MMP16: variants seen among roughly 807,000 people sequenced by gnomAD.
MMP16 encodes matrix metallopeptidase 16, also known as matrix metalloproteinase-16.
MMP16 carries 12 observed loss-of-function variants against 67.8 expected under a neutral mutation model. That is an observed-to-expected ratio of 0.18 (90% CI 0.11 to 0.29). The LOEUF (loss-of-function observed/expected upper bound fraction) is 0.29. Among genes scored for constraint, MMP16 ranks in the 10% least tolerant of loss-of-function variants. The probability of loss-of-function intolerance (pLI) is 1.00; values close to 1 mark genes in which losing one functional copy is unlikely to be tolerated. For synonymous variants in MMP16, 249 were observed against 255.9 expected (o/e 0.97, Z 0.26); for missense variants, 475 against 765.7 (o/e 0.62, Z 4.48).
At chr8:88,147,849 T>A (rs1005591274) in intron 4 of MMP16, among the ~76,000 whole-genome samples, 1 of 152,100 alleles carries the variant, frequency 6.6e-6, no homozygotes, top group African/African-American at 2.4e-5. Context: ...GCTTCCTCTA[T>A]ATGTGGATTC....
intron 2 of MMP16, among the ~76,000 whole-genome samples, chr8:88,195,264 T>G (rs544489483): frequency 6.6e-6 from 1 of 152,290 alleles, no homozygotes; most frequent in East Asian, 1.9e-4. Flanking sequence ...CTTGCGGAAA[T>G]GTACCTTTTC....
At chr8:88,270,362 GAGAATA>G (rs1810546030) in intron 1 of MMP16, among the ~76,000 whole-genome samples, 1 of 152,128 alleles carries the variant, frequency 6.6e-6, no homozygotes, top group South Asian at 2.1e-4. Flanking sequence ...AAACAGAAAG[GAGAATA>G]AGTAACTGGT....
At chr8:88,222,715 A>C (rs1250672628) in intron 1 of MMP16, among the ~76,000 whole-genome samples, 1 of 152,202 alleles carries the variant, frequency 6.6e-6, no homozygotes, top group African/African-American at 2.4e-5. Flanking sequence ...TAAAGACTTA[A>C]ATGTTACAGC....
intron 1 of MMP16, among the ~76,000 whole-genome samples, chr8:88,326,547 A>G (rs925023565): frequency 1.3e-5 from 2 of 151,434 alleles, no homozygotes; most frequent in East Asian, 3.9e-4. Flanking sequence ...TTATGTCTAA[A>G]TGAAAAAAAA....
intron 7 of MMP16, among the ~76,000 whole-genome samples, chr8:88,062,576 T>A (rs987699556): frequency 1.3e-5 from 2 of 151,840 alleles, no homozygotes; most frequent in Non-Finnish European, 2.9e-5. Context: ...CAAACACTGC[T>A]TGTTCTCACT....
chr8:88,226,090 T>C (rs1809764511), intron 1 of MMP16, among the ~76,000 whole-genome samples: 2 of 151,828 alleles, frequency 1.3e-5, no homozygotes, highest in Admixed American at 6.6e-5. Flanking sequence ...AACTAACAAA[T>C]AGACTGTCGT....
At chr8:88,143,089 C>G (rs1808238298) in intron 4 of MMP16, among the ~76,000 whole-genome samples, 1 of 151,956 alleles carries the variant, frequency 6.6e-6, no homozygotes, top group African/African-American at 2.4e-5. Flanking sequence ...AAGAACAAGG[C>G]AGGCATCAGA....
chr8:88,211,474 T>A (rs1467952670), intron 1 of MMP16, among the ~76,000 whole-genome samples: 2 of 152,032 alleles, frequency 1.3e-5, no homozygotes, highest in Admixed American at 6.6e-5. Flanking sequence ...CACAAGCAGG[T>A]GTTGTGATAG....
intron 6 of MMP16, among the ~76,000 whole-genome samples, chr8:88,102,455 A>G (rs930069307): frequency 1.3e-5 from 2 of 151,820 alleles, no homozygotes; most frequent in Non-Finnish European, 2.9e-5. Flanking sequence ...CTCCCTGGGC[A>G]TGCCACCCTT....
At chr8:88,265,629 CAGCATAGT>C (rs777486160) in intron 1 of MMP16, among the ~76,000 whole-genome samples, 21 of 152,222 alleles carry the variant, frequency 1.4e-4, no homozygotes, top group Non-Finnish European at 2.8e-4. Context: ...ATTATGTTTC[CAGCATAGT>C]CTGAAAGTAC....
At chr8:88,071,115 C>T (rs1326959431) in intron 7 of MMP16, among the ~76,000 whole-genome samples, 1 of 151,924 alleles carries the variant, frequency 6.6e-6, no homozygotes, top group African/African-American at 2.4e-5. Flanking sequence ...TAATTTTGCC[C>T]TAGTTCAAAA....
chr8:88,144,989 A>G (rs151270426), intron 4 of MMP16, among the ~76,000 whole-genome samples: 12 of 152,160 alleles, frequency 7.9e-5, no homozygotes, highest in African/African-American at 2.9e-4. Flanking sequence ...ATGCTTATAT[A>G]TGTTTTATTT....
At chr8:88,164,086 A>T (rs1428940130) in intron 4 of MMP16, among the ~76,000 whole-genome samples, 1 of 152,104 alleles carries the variant, frequency 6.6e-6, no homozygotes, top group Non-Finnish European at 1.5e-5. Context: ...GCAGCCTAAG[A>T]CACTGTTTAT....
chr8:88,054,664 A>G (rs1484444766), intron 8 of MMP16, among the ~76,000 whole-genome samples: 1 of 152,248 alleles, frequency 6.6e-6, no homozygotes, highest in Non-Finnish European at 1.5e-5. Context: ...ATGGAAAAAT[A>G]TAGGAATATT....
intron 6 of MMP16, among the ~76,000 whole-genome samples, chr8:88,088,048 CTATTA>C (rs1808868154): frequency 3.1e-5 from 3 of 97,626 alleles, no homozygotes; most frequent in African/African-American, 1.3e-4. Context: ...ATATAGATAT[CTATTA>C]TATCTATATA....
chr8:88,093,807 T>C lies in MMP16; in HGVS notation c.1084-19064A>G, dbSNP rs565978903. ...TGTTTCAGGAGTGTCTGGGTTATGGTTGAACATCAAACACAATCTTAAATG... is the reference window on the plus strand; with the variant it reads ...TGTTTCAGGAGTGTCTGGGTTATGGCTGAACATCAAACACAATCTTAAATG... On this transcript the variant is annotated intron_variant, in intron 6 of 9. Transcript: ENST00000286614. Among the ~76,000 whole-genome samples, 5 of 151,952 alleles carry C rather than the reference T, an allele frequency of 3.3e-5. No homozygotes were observed. In the South Asian group the frequency reaches 6.2e-4, roughly 19 times the overall value.
rs1037231583 is a variant in MMP16 at position 88,076,427 on chromosome 8, T to C, written c.1084-1684A>G. On this transcript the variant is annotated intron_variant, in intron 6 of 9. Transcript: ENST00000286614. ...TTTGTCTCTTGTTCATTGTTTCCTC[T>C]TTGGATGTCAGCTATACTACAGTCC... Among the ~76,000 whole-genome samples, 4 of 152,188 alleles carry C rather than the reference T, an allele frequency of 2.6e-5. No homozygotes were observed. In the South Asian group the frequency reaches 8.3e-4, roughly 31 times the overall value.
chr8:88,111,674 A>G (rs1809339700), intron 6 of MMP16, among the ~76,000 whole-genome samples: 1 of 151,742 alleles, frequency 6.6e-6, no homozygotes, highest in African/African-American at 2.4e-5. Context: ...GCATTGTTTT[A>G]CAATGTCATT....
intron 1 of MMP16, among the ~76,000 whole-genome samples, chr8:88,320,281 T>C (rs1200802612): frequency 6.6e-6 from 1 of 152,206 alleles, no homozygotes; most frequent in Non-Finnish European, 1.5e-5. Context: ...TTTAGTCTCG[T>C]GAGCTTTTAA....
Sources: allele counts gnomAD v4.1 joint callset (sites outside exome capture counted in the v4.1 genomes callset), GRCh38; gene constraint gnomAD v4.1.1; transcripts MANE v1.5; gene names NCBI Gene and HGNC (gene_info 2026-07-23, HGNC 2026-07-21).